The following ASCC1 variants were observed in gnomAD, a reference collection of about 807,000 sequenced individuals.
ASCC1 encodes the protein activating signal cointegrator 1 complex subunit 1, also known as ASC-1 complex subunit P50.
ASCC1 carries 35 observed loss-of-function variants against 46.6 expected under a neutral mutation model. The ratio of observed to expected loss-of-function variants is 0.75; its 90% CI spans 0.57 to 0.99. The LOEUF is 0.99. Among genes scored for constraint, ASCC1 ranks in the 50% least tolerant of loss-of-function variants. The pLI is 0.00. For synonymous variants in ASCC1, 143 were observed against 146.6 expected, an observed-to-expected ratio of 0.98 and a Z score of 0.18; for missense variants, 376 against 428.7, an observed-to-expected ratio of 0.88 and a Z score of 1.09.
intron 3 of ASCC1, among the ~76,000 whole-genome samples, 170 bp downstream of exon 3, chr10:72,210,562 G>A (rs144071168): frequency 6.6e-6 from 1 of 152,270 alleles, no homozygotes; most frequent in East Asian, 1.9e-4. Context: ...GATACATGTG[G>A]AACAATGAAA....
At chr10:72,193,213 T>G (rs1369719828) in intron 5 of ASCC1, among the ~76,000 whole-genome samples, 2 of 152,146 alleles carry the variant, frequency 1.3e-5, no homozygotes, top group Non-Finnish European at 2.9e-5. Context: ...TAATCATAGT[T>G]GCCAAAAACT....
chr10:72,111,798 C>T (rs994674447), intron 9 of ASCC1, among the ~76,000 whole-genome samples: 4 of 152,070 alleles, frequency 2.6e-5, no homozygotes, highest in Non-Finnish European at 2.9e-5. Context: ...CCTGCCACCA[C>T]GCCCGGCTAA....
chr10:72,101,009 G>A (rs999246562), intron 9 of ASCC1, among the ~76,000 whole-genome samples: 1 of 152,154 alleles, frequency 6.6e-6, no homozygotes, highest in Non-Finnish European at 1.5e-5. Context: ...TCAAATCAAG[G>A]AGGCGGGGGA....
chr10:72,120,199 G>A (rs1380409875), intron 9 of ASCC1, among the ~76,000 whole-genome samples: 2 of 152,188 alleles, frequency 1.3e-5, no homozygotes, highest in African/African-American at 4.8e-5. Flanking sequence ...CTGCACTCCA[G>A]CCTGGGCGAC....
chr10:72,128,171 T>C lies in ASCC1; in HGVS notation c.872-4A>G, dbSNP rs1448145201. On this transcript the variant is annotated splice_region_variant and splice_polypyrimidine_tract_variant and intron_variant, in intron 8 of 9. Transcript: ENST00000672957. ...TAGAGATTGTACCTGCCTTCAGCTG[T>C]AAATATTCCAAAGATAATGTTAGAA... The C allele has an allele frequency of 3.7e-6, 6 of 1,608,220 alleles. No individual in the cohort carries two copies. The highest frequency in any genetic ancestry group is 5.1e-6 in the Non-Finnish European group (6 of 1,174,790).
At chr10:72,121,940 G>T (rs181409130) in intron 9 of ASCC1, among the ~76,000 whole-genome samples, 1 of 152,316 alleles carries the variant, frequency 6.6e-6, no homozygotes, top group East Asian at 1.9e-4. Context: ...AACAACAGCA[G>T]ATTACATGTT....
intron 3 of ASCC1, chr10:72,204,549 AAG>A (rs945344693): frequency 1.9e-6 from 3 of 1,548,208 alleles, no homozygotes; most frequent in Non-Finnish European, 2.6e-6. Flanking sequence ...ATAAAGCACT[AAG>A]AGGCCATCAC....
At chr10:72,176,418 T>C (rs1325421247) in intron 5 of ASCC1, among the ~76,000 whole-genome samples, 1 of 152,124 alleles carries the variant, frequency 6.6e-6, no homozygotes, top group Non-Finnish European at 1.5e-5. Flanking sequence ...TCATGGCTAC[T>C]GTAACCTCTA....
chr10:72,159,790 A>G (rs1849406416), intron 6 of ASCC1, among the ~76,000 whole-genome samples: 1 of 152,236 alleles, frequency 6.6e-6, no homozygotes, highest in African/African-American at 2.4e-5. Context: ...CAGAAAGGAT[A>G]GAAGACTGCA....
chr10:72,194,864 T>G (rs1442482183), intron 5 of ASCC1, among the ~76,000 whole-genome samples: 1 of 151,646 alleles, frequency 6.6e-6, no homozygotes, highest in Non-Finnish European at 1.5e-5. Flanking sequence ...TGCCTCAGCC[T>G]CTCAAGTAGC....
intron 9 of ASCC1, among the ~76,000 whole-genome samples, chr10:72,119,361 A>G (rs1843899187): frequency 6.6e-6 from 1 of 152,148 alleles, no homozygotes; most frequent in African/African-American, 2.4e-5. Context: ...TAACATACCT[A>G]GGGGAAGGAT....
chr10:72,160,421 G>A (rs910422915), intron 6 of ASCC1, among the ~76,000 whole-genome samples: 1 of 152,098 alleles, frequency 6.6e-6, no homozygotes, highest in Admixed American at 6.6e-5. Flanking sequence ...GGAAATAGGG[G>A]AAGATACGGT....
At chr10:72,210,601 C>T in intron 3 of ASCC1, 131 bp downstream of exon 3, 2 of 735,602 alleles carry the variant, frequency 2.7e-6, no homozygotes, top group Non-Finnish European at 4.7e-6. Flanking sequence ...TTTGACATTT[C>T]AGGACATAAC....
At chr10:72,180,488 T>A (rs929133608) in intron 5 of ASCC1, among the ~76,000 whole-genome samples, 1 of 151,960 alleles carries the variant, frequency 6.6e-6, no homozygotes, top group East Asian at 1.9e-4. Context: ...TAGCCAAGTG[T>A]GGTGGTGTGT....
chr10:72,100,438 G>A (rs1006867884), intron 9 of ASCC1, among the ~76,000 whole-genome samples: 3 of 152,112 alleles, frequency 2.0e-5, no homozygotes, highest in Admixed American at 6.5e-5. Context: ...TGTTGGCCAG[G>A]CTGGTCTTGA....
chr10:72,187,691 G>A (rs1853682242), intron 5 of ASCC1, among the ~76,000 whole-genome samples: 1 of 141,064 alleles, frequency 7.1e-6, no homozygotes, highest in Non-Finnish European at 1.5e-5. Flanking sequence ...CTGCACTCCA[G>A]CCTGGGTGAC....
chr10:72,213,650 G>A (rs565653248), intron 1 of ASCC1, among the ~76,000 whole-genome samples: 198 of 150,904 alleles, frequency 1.3e-3, no homozygotes, highest in Non-Finnish European at 2.1e-3. Context: ...GTTCACATCT[G>A]TAATCCCAGC....
intron 7 of ASCC1, among the ~76,000 whole-genome samples, chr10:72,145,041 T>C (rs1288547557): frequency 6.6e-6 from 1 of 152,222 alleles, no homozygotes; most frequent in Non-Finnish European, 1.5e-5. Flanking sequence ...GTTGTTTAAA[T>C]ATTTTGTTTT....
intron 5 of ASCC1, among the ~76,000 whole-genome samples, chr10:72,193,362 T>C (rs933128479): frequency 2.0e-5 from 3 of 151,998 alleles, no homozygotes; most frequent in African/African-American, 7.2e-5. Flanking sequence ...AAGCACTATG[T>C]TGAGTGAAAG....
Sources: gnomAD v4.1 joint callset for allele counts (sites outside exome capture counted in the v4.1 genomes callset) on GRCh38, gnomAD v4.1.1 for gene constraint, MANE v1.5 for transcripts, NCBI Gene and HGNC (gene_info 2026-07-23, HGNC 2026-07-21) for gene names.